Variants in EGFLAM observed in about 807,000 individuals in gnomAD.
The protein encoded by EGFLAM is pikachurin.
Under a neutral mutation model 113.1 loss-of-function variants are expected in EGFLAM, and 79 were observed. That is an observed-to-expected ratio of 0.70 (90% CI 0.58 to 0.84). The LOEUF is 0.84. Ranked by LOEUF, EGFLAM falls within the 40% of genes least tolerant of loss-of-function variation. EGFLAM has a pLI of 0.00. For missense variants in EGFLAM, 1,265 were observed against 1,291.6 expected (o/e 0.98, Z 0.32); for synonymous variants, 504 against 487.6 (o/e 1.03, Z -0.44).
intron 6 of EGFLAM, among the ~76,000 whole-genome samples, chr5:38,371,080 A>G (rs11748511): frequency 6.6e-6 from 1 of 152,116 alleles, no homozygotes; most frequent in Non-Finnish European, 1.5e-5. Flanking sequence ...AATGCCAAGA[A>G]CCATTCTTGG....
intron 6 of EGFLAM, chr5:38,401,341 G>A (rs1445130681): frequency 6.6e-6 from 1 of 152,156 alleles, no homozygotes; most frequent in East Asian, 1.9e-4. Context: ...AAAAAAAATT[G>A]TGCAATAGAG....
intron 5 of EGFLAM, among the ~76,000 whole-genome samples, chr5:38,354,754 T>C (rs1235955339): frequency 2.6e-5 from 4 of 152,338 alleles, no homozygotes; most frequent in African/African-American, 9.6e-5. Context: ...CAGTTTTTTA[T>C]GTTTTTATGG....
At chr5:38,333,216 G>T (rs1276432470) in intron 1 of EGFLAM, among the ~76,000 whole-genome samples, 1 of 152,138 alleles carries the variant, frequency 6.6e-6, no homozygotes, top group East Asian at 1.9e-4. Flanking sequence ...GGGCATTTAG[G>T]TTGATTCCAC....
intron 3 of EGFLAM, chr5:38,345,548 G>T (rs1240648700): frequency 1.3e-5 from 2 of 152,196 alleles, no homozygotes; most frequent in Non-Finnish European, 2.9e-5. Flanking sequence ...ACACCAAGTA[G>T]GGGGTATTTT....
intron 16 of EGFLAM, 53 bp downstream of exon 16, chr5:38,435,306 A>G (rs1742309470): frequency 7.5e-7 from 1 of 1,328,006 alleles, no homozygotes; most frequent in African/African-American, 1.4e-5. Context: ...GTAGACAAAG[A>G]AAGTGAGGAT....
intron 1 of EGFLAM, among the ~76,000 whole-genome samples, chr5:38,333,825 TTTGCTTTTGTTGTGA>T (rs1739113205): frequency 6.6e-6 from 1 of 152,080 alleles, no homozygotes; most frequent in African/African-American, 2.4e-5. Context: ...TTTGTCAATT[TTTGCTTTTGTTGTGA>T]TTGCTTTTGG....
intron 17 of EGFLAM, among the ~76,000 whole-genome samples, chr5:38,444,893 C>T (rs1253444117): frequency 2.0e-5 from 3 of 152,002 alleles, no homozygotes; most frequent in East Asian, 1.9e-4. Flanking sequence ...TGCAGTGAGC[C>T]GAGATCGCGC....
chr5:38,448,656 C>G (rs1429636653), intron 18 of EGFLAM, among the ~76,000 whole-genome samples: 1 of 152,170 alleles, frequency 6.6e-6, no homozygotes, highest in East Asian at 1.9e-4. Flanking sequence ...GAGAGAGAGA[C>G]ACGACTGGTC....
At chr5:38,413,175 T>C (rs1741538210) in intron 11 of EGFLAM, among the ~76,000 whole-genome samples, 1 of 149,200 alleles carries the variant, frequency 6.7e-6, no homozygotes. Context: ...TGTGCCACCA[T>C]GCCTGGCTAA....
At chr5:38,375,454 A>G (rs1448252016) in intron 6 of EGFLAM, among the ~76,000 whole-genome samples, 1 of 152,182 alleles carries the variant, frequency 6.6e-6, no homozygotes, top group Non-Finnish European at 1.5e-5. Context: ...ACAATGTTCA[A>G]GGAGATCCTT....
intron 19 of EGFLAM, among the ~76,000 whole-genome samples, chr5:38,454,249 G>A (rs1743013875): frequency 6.6e-6 from 1 of 152,180 alleles, no homozygotes; most frequent in Admixed American, 6.5e-5. Context: ...TGTCAGCGGT[G>A]TGGTGGGCAC....
chr5:38,341,938 T>C (rs964907884), intron 3 of EGFLAM, among the ~76,000 whole-genome samples: 7 of 152,002 alleles, frequency 4.6e-5, no homozygotes, highest in Admixed American at 6.6e-5. Context: ...TTACTCTTCA[T>C]GTTGCCTCTG....
At chr5:38,382,009 G>A (rs1252037407) in intron 6 of EGFLAM, among the ~76,000 whole-genome samples, 2 of 152,204 alleles carry the variant, frequency 1.3e-5, no homozygotes, top group African/African-American at 4.8e-5. Flanking sequence ...AGTCGAAGGA[G>A]ATGACGTTAG....
At chr5:38,355,641 A>T (rs552258419) in intron 5 of EGFLAM, among the ~76,000 whole-genome samples, 8 of 152,338 alleles carry the variant, frequency 5.3e-5, no homozygotes, top group African/African-American at 1.7e-4. Flanking sequence ...AGCTGTGTTG[A>T]TGTTAAAAAC....
intron 1 of EGFLAM, among the ~76,000 whole-genome samples, chr5:38,283,215 A>G (rs951821529): frequency 2.6e-5 from 4 of 152,034 alleles, no homozygotes; most frequent in Non-Finnish European, 4.4e-5. Flanking sequence ...CCGTTCTCCA[A>G]TTGCAGATAT....
intron 19 of EGFLAM, among the ~76,000 whole-genome samples, chr5:38,455,050 GTGAACATTGCTTGACT>G (rs1743043148): frequency 6.6e-6 from 1 of 152,214 alleles, no homozygotes. Context: ...GGTGGGGTTT[GTGAACATTGCTTGACT>G]GTTCACAGTG....
At chr5:38,334,307 G>C (rs1407908729) in intron 1 of EGFLAM, among the ~76,000 whole-genome samples, 1 of 152,186 alleles carries the variant, frequency 6.6e-6, no homozygotes, top group African/African-American at 2.4e-5. Context: ...TTATAAACAA[G>C]AGAAATCTAT....
chr5:38,450,924 C>G lies in EGFLAM; in HGVS notation c.2544-391C>G, dbSNP rs540622928. On this transcript the variant is annotated intron_variant, in intron 18 of 21. Transcript: ENST00000322350. ...GGCCATCCACAGCCGTGGTCCTAGC[C>G]CAGAGTGGCTGCCAATTTGAACCTC... Among the ~76,000 whole-genome samples the G allele has an allele frequency of 6.6e-5, 10 of 152,344 alleles. 1 individual carries two copies. In the South Asian group the frequency reaches 2.1e-3, roughly 32 times the overall value.
intron 6 of EGFLAM, among the ~76,000 whole-genome samples, chr5:38,376,009 A>C (rs879715381): frequency 1.3e-5 from 2 of 152,202 alleles, no homozygotes; most frequent in Non-Finnish European, 2.9e-5. Flanking sequence ...AGGAAATTCA[A>C]AGAAGACCCA....
Sources: allele counts gnomAD v4.1 joint callset (sites outside exome capture counted in the v4.1 genomes callset), GRCh38; gene constraint gnomAD v4.1.1; transcripts MANE v1.5; gene names NCBI Gene and HGNC (gene_info 2026-07-23, HGNC 2026-07-21).